ZNF16: variants seen among roughly 807,000 people sequenced by gnomAD.
ZNF16 encodes zinc finger protein 16.
Under a neutral mutation model 9.0 loss-of-function variants are expected in ZNF16, and 7 were observed. The observed-to-expected ratio is 0.78, with a 90% CI of 0.44 to 1.47. The LOEUF (loss-of-function observed/expected upper bound fraction) is 1.47, where lower values mean the gene tolerates loss of function less well. ZNF16 is among the 40% of genes most tolerant of loss of function. The probability of loss-of-function intolerance (pLI) is 0.01; values close to 1 mark genes in which losing one functional copy is unlikely to be tolerated. For synonymous variants in ZNF16, 312 were observed against 301.5 expected, an observed-to-expected ratio of 1.03 and a Z score of -0.36; for missense variants, 830 against 854.2, an observed-to-expected ratio of 0.97 and a Z score of 0.35.
chr8:144,932,347 G>C lies in ZNF16; in HGVS notation c.440C>G (p.Pro147Arg). ...TPAAMGLLRG[P>R]LGEKDLDCNG... ...ACAGTCCAGATCTTTCTCCCCTAAG[G>C]GGCCCCTAAGGAGCCCCATGGCAGC... is the stretch of plus-strand genomic sequence containing the variant. Residue 147 changes from proline (P) to arginine (R), a missense_variant, in exon 3 of 3, where the codon CCC (proline) becomes CGC (arginine). By Grantham distance (103) the Pro-to-Arg change is moderately radical. Transcript: ENST00000394909. This position sits in a 1 kb window ranked among gnomAD's most constrained non-coding sequence, Gnocchi z 5.0. 6.2e-7 allele frequency: 1 copy of C among 1,614,104 alleles called. No homozygotes were observed. The highest frequency in any genetic ancestry group is 8.5e-7 in the Non-Finnish European group (1 of 1,180,006).
rs1026411005 is a variant in ZNF16, at chr8:144,946,525, CCTGCTGTGGGGCCTGTGTA to C, written c.-9-329_-9-311del. Among the ~76,000 whole-genome samples the C allele has an allele frequency of 1.9e-4, 25 of 133,896 alleles. 3 individuals carry two copies. Among genetic ancestry groups the C allele is most frequent in the African/African-American group, 2.8e-4 (10 of 35,094 alleles). The allele number at this position is 133,896 out of a possible 152,430, so 87.8% of individuals were successfully genotyped here. On this transcript the variant is annotated intron_variant, in intron 1 of 2. Transcript: ENST00000394909. ...AGGGCAGCCCCCACAGGGTCTGTGT[CCTGCTGTGGGGCCTGTGTA>C]CTGCTGTGGGGCCTGTACCCTGCTG...
At chr8:144,938,226 A>G (rs1160288738) in intron 2 of ZNF16, among the ~76,000 whole-genome samples, 1 of 152,210 alleles carries the variant, frequency 6.6e-6, no homozygotes, top group Non-Finnish European at 1.5e-5. Context: ...GTTATTTTTC[A>G]TGATTGTTTT....
chr8:144,933,368 C>T lies in ZNF16; in HGVS notation c.197-778G>A, dbSNP rs7822097. Among the ~76,000 whole-genome samples, 16,044 of 152,174 alleles carry T rather than the reference C, an allele frequency of 0.11. 2,275 individuals carry two copies. Among genetic ancestry groups the T allele is most frequent in the African/African-American group, 0.32 (13,443 of 41,470 alleles). Reference sequence around the variant, plus strand: ...AACCCACAATTCTGACTGGTGTTTGCGGATGACTTCTGGCCTCGTAACAAT... The same window carrying T: ...AACCCACAATTCTGACTGGTGTTTGTGGATGACTTCTGGCCTCGTAACAAT... On this transcript the variant is annotated intron_variant, in intron 2 of 2. Transcript: ENST00000394909. The surrounding 1 kb of genome is among the most constrained non-coding windows in gnomAD (Gnocchi z 5.6).
rs115870088 is a variant in ZNF16, at chr8:144,945,739, G to A, written c.196+272C>T. The A allele has an allele frequency of 2.0e-3, 815 of 417,366 alleles. 8 individuals carry two copies. The highest frequency in any genetic ancestry group is 0.014 in the African/African-American group (714 of 50,516). The allele number at this position is 417,366 out of a possible 1,614,324, so 25.9% of individuals were successfully genotyped here. ...CAGCCTGGTTGTTGAATTGGGAAGG[G>A]GTCAGGAGTATAGGGCAAATCAAAG... On this transcript the variant is annotated intron_variant, in intron 2 of 2. Transcript: ENST00000394909.
At chr8:144,935,745 C>G (rs889876397) in intron 2 of ZNF16, among the ~76,000 whole-genome samples, 1 of 152,162 alleles carries the variant, frequency 6.6e-6, no homozygotes, top group Non-Finnish European at 1.5e-5. Flanking sequence ...TTACCCAAGT[C>G]ATAAACCATG....
At chr8:144,939,152 T>C (rs1232194281) in intron 2 of ZNF16, among the ~76,000 whole-genome samples, 1 of 152,196 alleles carries the variant, frequency 6.6e-6, no homozygotes, top group African/African-American at 2.4e-5. Context: ...TCTCTAGCCA[T>C]AAAGGATATT....
chr8:144,932,016 T>C lies in ZNF16; in HGVS notation c.771A>G (p.Arg257=). The C allele has an allele frequency of 1.2e-6, 2 of 1,614,098 alleles. No homozygotes were observed. Among genetic ancestry groups the C allele is most frequent in the Non-Finnish European group, 1.7e-6 (2 of 1,180,010 alleles). Residue 257 remains arginine (R), a synonymous_variant, in exon 3 of 3, where the codon CGA becomes CGG. Coordinates refer to ENST00000394909, the MANE Select transcript of ZNF16 (RefSeq NM_006958.3). This position sits in a 1 kb window ranked among gnomAD's most constrained non-coding sequence, Gnocchi z 5.0. ...GGTAAGCTTTCTCACTCATATGAGA[T>C]CGATGACGGTTTTTAAGAACTGAGT... ...SQNSVLKNRH[R]SHMSEKAYQC... is the part of the protein sequence containing the mutation.
rs1198890646 is a variant in ZNF16 at position 144,932,140 on chromosome 8, T to C, written c.647A>G (p.Lys216Arg). 1 of 1,614,226 alleles carries C rather than the reference T, an allele frequency of 6.2e-7. No individual in the cohort carries two copies. The highest frequency in any genetic ancestry group is 1.7e-5 in the Admixed American group (1 of 60,026). Residue 216 changes from lysine to arginine, a missense_variant, in exon 3 of 3, where the codon AAA (lysine) becomes AGA (arginine). Coordinates refer to ENST00000394909, the MANE Select transcript of ZNF16 (RefSeq NM_006958.3). The surrounding 1 kb of genome is among the most constrained non-coding windows in gnomAD (Gnocchi z 5.0). The part of the protein sequence containing the change: ...ESPLICNECG[K>R]TFQGNPDLIQ... The stretch of plus-strand genomic sequence containing the variant: ...AAGGTCAGGATTTCCTTGGAAGGTT[T>C]TCCCACACTCATTACATATGAGTGG...
At chr8:144,940,492 G>C (rs1029259229) in intron 2 of ZNF16, among the ~76,000 whole-genome samples, 1 of 152,104 alleles carries the variant, frequency 6.6e-6, no homozygotes, top group Non-Finnish European at 1.5e-5. Context: ...TTTCATCTTT[G>C]ATCCATTGGT....
chr8:144,940,831 G>A (rs10902783), intron 2 of ZNF16, among the ~76,000 whole-genome samples: 34,989 of 152,154 alleles, frequency 0.23, 4,196 homozygotes, highest in East Asian at 0.35. Flanking sequence ...CCTGATGAGA[G>A]CTGGTTCCTC....
In ZNF16 at chr8:144,934,797, G is replaced by A. The variant is rs559520922; in HGVS notation, c.197-2207C>T. 2.0e-5 allele frequency among the ~76,000 whole-genome samples: 3 copies of A among 152,286 alleles called. No homozygotes were observed. In the East Asian group the frequency reaches 5.8e-4, roughly 29 times the overall value. ...ACTTCTGTGAAGGGTCAGAGAGGAG[G>A]ATCATACATACATTACGGCTGTATG... On this transcript the variant is annotated intron_variant, in intron 2 of 2. Transcript: ENST00000394909.
At chr8:144,936,467 A>G (rs1029959328) in intron 2 of ZNF16, among the ~76,000 whole-genome samples, 26 of 152,148 alleles carry the variant, frequency 1.7e-4, no homozygotes, top group African/African-American at 6.0e-4. Context: ...GGAACCACCA[A>G]ATTATTTTTC....
intron 2 of ZNF16, among the ~76,000 whole-genome samples, chr8:144,941,737 CA>C (rs954772134): frequency 3.4e-4 from 51 of 151,506 alleles, no homozygotes; most frequent in African/African-American, 1.2e-3. Flanking sequence ...CAGCTTACTG[CA>C]ACCTCTGCCT....
chr8:144,945,757 A>G, intron 2 of ZNF16: 1 of 573,896 alleles, frequency 1.7e-6, no homozygotes, highest in Non-Finnish European at 2.8e-6. Context: ...GTATAGGGCA[A>G]ATCAAAGGAC....
chr8:144,932,501 A>C lies in ZNF16; in HGVS notation c.286T>G (p.Tyr96Asp). 6.2e-7 allele frequency: 1 copy of C among 1,614,208 alleles called. No homozygotes were observed. Among genetic ancestry groups the C allele is most frequent in the Non-Finnish European group, 8.5e-7 (1 of 1,180,028 alleles). The change falls in exon 3 of 3, where the codon TAT becomes GAT. Residue 96 changes from tyrosine (Y) to aspartate (D), a missense_variant. Coordinates refer to ENST00000394909, the MANE Select transcript of ZNF16 (RefSeq NM_006958.3). The surrounding 1 kb of genome is among the most constrained non-coding windows in gnomAD (Gnocchi z 5.0). ...LESQAEISEN[Y>D]AGDVSQVPEL... Reference sequence around the variant, plus strand: ...GGTACCTGGGAAACATCACCAGCATAGTTTTCTGATATTTCTGCCTGTGAT... The same window carrying C: ...GGTACCTGGGAAACATCACCAGCATCGTTTTCTGATATTTCTGCCTGTGAT...
intron 2 of ZNF16, among the ~76,000 whole-genome samples, chr8:144,935,506 A>G (rs1024068299): frequency 6.6e-6 from 1 of 152,184 alleles, no homozygotes; most frequent in Non-Finnish European, 1.5e-5. Context: ...ATGCCCGGCC[A>G]AAGAACATCT....
At position 144,947,310 on chromosome 8, in the gene ZNF16, A is replaced by AT. The variant is rs1330572659; in HGVS notation, c.-9-1096_-9-1095insA. 1.5e-3 allele frequency among the ~76,000 whole-genome samples: 135 copies of AT among 90,466 alleles called. 6 individuals carry two copies. The highest frequency in any genetic ancestry group is 0.012 in the Middle Eastern group (1 of 84). The allele number at this position is 90,466 out of a possible 152,430, so 59.3% of individuals were successfully genotyped here. A position where few individuals can be genotyped will look rare whatever the true frequency, so the allele number is the denominator to read the frequency against. On this transcript the variant is annotated intron_variant, in intron 1 of 2. Transcript: ENST00000394909. ...GGCCTGTACCCTGCTGCGGGCCTGT[A>AT]CCCTGCTGCGGGCCTGTATCCTGCT...
Position 144,930,861 on chromosome 8 carries a change from C to A in ZNF16, c.1926G>T (p.Ser642=), listed in dbSNP as rs3735789. ...GAATCCTCTGGTGCTGGATGAGGAC[C>A]GAACGCTGACTGAAGGCTTTCCCAC... The part of the protein sequence containing the change: ...SECGKAFSQR[S]VLIQHQRIHT... The change falls in exon 3 of 3, where the codon TCG becomes TCT. Residue 642 remains serine (S), a synonymous_variant. Transcript: ENST00000394909. The A allele has an allele frequency of 0.25, 402,564 of 1,604,212 alleles. 52,417 individuals are homozygous for A. Among genetic ancestry groups the A allele is most frequent in the African/African-American group, 0.4 (29,584 of 74,818 alleles).
chr8:144,950,067 C>T (rs1699260323), intron 1 of ZNF16, among the ~76,000 whole-genome samples: 1 of 152,210 alleles, frequency 6.6e-6, no homozygotes, highest in African/African-American at 2.4e-5. Flanking sequence ...GGCAGCAATG[C>T]TGCCTTGTTA....
Sources: allele counts gnomAD v4.1 joint callset (sites outside exome capture counted in the v4.1 genomes callset), GRCh38; gene constraint gnomAD v4.1.1; non-coding constraint Gnocchi (gnomAD v3.1); transcripts MANE v1.5; gene names NCBI Gene and HGNC (gene_info 2026-07-23, HGNC 2026-07-21).